Variants in SLIT3 observed in about 807,000 individuals in gnomAD.
SLIT3 encodes slit guidance ligand 3, also known as slit homolog 3 protein.
Under a neutral mutation model 184.0 loss-of-function variants are expected in SLIT3, and 68 were observed. That is an observed-to-expected ratio of 0.37 (90% CI 0.30 to 0.45). The LOEUF is 0.45. Among genes scored for constraint, SLIT3 ranks in the 20% least tolerant of loss-of-function variants. SLIT3 has a pLI of 1.00. For synonymous variants in SLIT3, 831 were observed against 828.6 expected (o/e 1.00, Z -0.05); for missense variants, 1,707 against 2,026.0 (o/e 0.84, Z 3.02).
intron 4 of SLIT3, among the ~76,000 whole-genome samples, chr5:169,082,518 C>T (rs1461068676): frequency 6.6e-6 from 1 of 152,220 alleles, no homozygotes; most frequent in East Asian, 1.9e-4. Context: ...TATTTACTCT[C>T]TGATTCCTAT....
chr5:168,762,822 G>A (rs1016177740), intron 14 of SLIT3, 133 bp from the exon 15 acceptor site: 3 of 822,964 alleles, frequency 3.6e-6, no homozygotes, highest in Non-Finnish European at 2.0e-6. Flanking sequence ...AACAGACACG[G>A]CATCGCCTTT....
chr5:169,263,738 C>T, intron 1 of SLIT3: 1 of 503,404 alleles, frequency 2.0e-6, no homozygotes. Context: ...CTCGTGCTGG[C>T]TTCTCCCTTC....
At position 168,785,985 on chromosome 5, in the gene SLIT3, G is replaced by C; in HGVS notation, c.1080-7C>G. The C allele has an allele frequency of 6.2e-7, 1 of 1,600,588 alleles. No individual in the cohort carries two copies. ...CTTGTTCCCATACAGGACCCTGAAAGAGAGAAGGAGAAGACAGCAATCACT... is the reference window on the plus strand; with the variant it reads ...CTTGTTCCCATACAGGACCCTGAAACAGAGAAGGAGAAGACAGCAATCACT... On this transcript the variant is annotated splice_region_variant and splice_polypyrimidine_tract_variant and intron_variant, in intron 11 of 35. Transcript: ENST00000519560.
Position 169,300,166 on chromosome 5 carries a change from G to A in SLIT3, c.197+347C>T, listed in dbSNP as rs1332008748. ...TCGCCCGCCCCCCTTTTTAACGAGC[G>A]CAGACCCCTGACCCTCACCCTAAGA... On this transcript the variant is annotated intron_variant, in intron 1 of 35. Transcript: ENST00000519560. The surrounding 1 kb of genome is among the most constrained non-coding windows in gnomAD (Gnocchi z 4.1). Among the ~76,000 whole-genome samples, 1 of 152,224 alleles carries A rather than the reference G, an allele frequency of 6.6e-6. No individual in the cohort carries two copies. Among genetic ancestry groups the A allele is most frequent in the East Asian group, 1.9e-4 (1 of 5,178 alleles).
At chr5:168,948,360 G>A (rs72826540) in intron 4 of SLIT3, among the ~76,000 whole-genome samples, 2,879 of 152,282 alleles carry the variant, frequency 0.019, 38 homozygotes, top group Non-Finnish European at 0.03. Flanking sequence ...AAGAGGCTCC[G>A]TTGGAACAGG....
rs547075028 is a variant in SLIT3, at chr5:169,300,892, C to T, written c.-183G>A. 7.7e-4 allele frequency: 279 copies of T among 361,934 alleles called. No homozygotes were observed. Among genetic ancestry groups the T allele is most frequent in the African/African-American group, 5.8e-3 (266 of 46,040 alleles). The allele number at this position is 361,934 out of a possible 1,614,324, so 22.4% of individuals were successfully genotyped here. ...CGGAGCGGGGCGCTCCGGGCGGCGG[C>T]GGCGGCAGCAACAGCAGCTCCATCG... On this transcript the variant is annotated 5_prime_UTR_variant, in exon 1 of 36. Transcript: ENST00000519560. The surrounding 1 kb of genome is among the most constrained non-coding windows in gnomAD (Gnocchi z 4.1).
At chr5:169,057,781 C>T (rs1261107019) in intron 4 of SLIT3, among the ~76,000 whole-genome samples, 3 of 152,206 alleles carry the variant, frequency 2.0e-5, no homozygotes, top group African/African-American at 7.2e-5. Flanking sequence ...ACACTCCACA[C>T]TCCACCCTGC....
intron 23 of SLIT3, among the ~76,000 whole-genome samples, chr5:168,715,552 AAGCTG>A (rs1207073538): frequency 2.0e-5 from 3 of 152,370 alleles, no homozygotes; most frequent in Non-Finnish European, 2.9e-5. Flanking sequence ...TGGGGCTGCT[AAGCTG>A]CTAGAATGTA....
intron 1 of SLIT3, among the ~76,000 whole-genome samples, chr5:169,280,040 C>G (rs541450468): frequency 1.3e-5 from 2 of 152,344 alleles, no homozygotes; most frequent in South Asian, 4.1e-4. Flanking sequence ...GAGATTTGCC[C>G]AGGATTATAC....
intron 4 of SLIT3, among the ~76,000 whole-genome samples, chr5:169,172,991 C>T (rs1038844510): frequency 8.5e-5 from 13 of 152,134 alleles, no homozygotes; most frequent in African/African-American, 2.6e-4. Context: ...TTTTAAAGAA[C>T]GAGATTCAGC....
intron 26 of SLIT3, chr5:168,707,088 A>T (rs538944235): frequency 6.6e-6 from 1 of 152,344 alleles, no homozygotes; most frequent in South Asian, 2.1e-4. Context: ...CTATCCAGGA[A>T]ACCCTCCAGG....
chr5:168,982,688 G>A (rs890391428), intron 4 of SLIT3, among the ~76,000 whole-genome samples: 2 of 152,166 alleles, frequency 1.3e-5, no homozygotes, highest in African/African-American at 4.8e-5. Flanking sequence ...TGTGACTCAT[G>A]GGCTTAGTCC....
chr5:168,847,470 C>A (rs925124501), intron 5 of SLIT3, among the ~76,000 whole-genome samples: 6 of 152,194 alleles, frequency 3.9e-5, no homozygotes, highest in African/African-American at 1.2e-4. Flanking sequence ...AAAACCACAG[C>A]GGTTACTCCA....
intron 6 of SLIT3, among the ~76,000 whole-genome samples, chr5:168,839,673 C>A (rs933791223): frequency 3.9e-5 from 6 of 152,164 alleles, no homozygotes; most frequent in Non-Finnish European, 7.3e-5. Flanking sequence ...GCCGGATCAT[C>A]CCTTGTTTCT....
chr5:168,963,277 T>C (rs1469638307), intron 4 of SLIT3, among the ~76,000 whole-genome samples: 3 of 152,208 alleles, frequency 2.0e-5, no homozygotes, highest in African/African-American at 7.2e-5. Context: ...GTTCAAGCAA[T>C]TCTCCTGCCT....
At chr5:169,167,517 C>G (rs1762679293) in intron 4 of SLIT3, among the ~76,000 whole-genome samples, 2 of 151,946 alleles carry the variant, frequency 1.3e-5, no homozygotes, top group Admixed American at 6.5e-5. Flanking sequence ...ACCTCGTGAT[C>G]CGCTTACATC....
At chr5:168,677,538 TC>T (rs1358612166) in intron 32 of SLIT3, among the ~76,000 whole-genome samples, 1 of 152,204 alleles carries the variant, frequency 6.6e-6, no homozygotes, top group Non-Finnish European at 1.5e-5. Flanking sequence ...AACCTCCACC[TC>T]CCTGGTTCAA....
intron 4 of SLIT3, among the ~76,000 whole-genome samples, chr5:169,083,794 A>AC (rs1477318122): frequency 6.6e-6 from 1 of 151,856 alleles, no homozygotes; most frequent in East Asian, 1.9e-4. Context: ...AATTCTCAGC[A>AC]CCCCAGGGGG....
At chr5:169,064,110 G>A (rs1206994227) in intron 4 of SLIT3, among the ~76,000 whole-genome samples, 1 of 152,140 alleles carries the variant, frequency 6.6e-6, no homozygotes, top group Non-Finnish European at 1.5e-5. Flanking sequence ...TTTCCATTCT[G>A]CTTGGTGCCA....
Sources: gnomAD v4.1 joint callset for allele counts (sites outside exome capture counted in the v4.1 genomes callset) on GRCh38, gnomAD v4.1.1 for gene constraint, Gnocchi (gnomAD v3.1) non-coding constraint, MANE v1.5 for transcripts, NCBI Gene and HGNC (gene_info 2026-07-23, HGNC 2026-07-21) for gene names.